BZW2: variants seen among roughly 807,000 people sequenced by gnomAD.
The protein encoded by BZW2 is eIF5-mimic protein 1.
BZW2 carries 23 observed loss-of-function variants against 53.2 expected under a neutral mutation model. That is an observed-to-expected ratio of 0.43 (90% CI 0.31 to 0.61). The LOEUF (loss-of-function observed/expected upper bound fraction) is 0.61, where lower values mean the gene tolerates loss of function less well. Among genes scored for constraint, BZW2 ranks in the 20% least tolerant of loss-of-function variants. The pLI is 0.09. For synonymous variants in BZW2, 227 were observed against 186.4 expected, an observed-to-expected ratio of 1.22 and a Z score of -1.77; for missense variants, 409 against 503.1, an observed-to-expected ratio of 0.81 and a Z score of 1.79.
intron 1 of BZW2, among the ~76,000 whole-genome samples, chr7:16,649,407 C>A (rs1405124720): frequency 2.0e-5 from 3 of 152,184 alleles, no homozygotes; most frequent in Non-Finnish European, 2.9e-5. Flanking sequence ...CAATCATAAC[C>A]AGAGGCAGAA....
intron 2 of BZW2, among the ~76,000 whole-genome samples, chr7:16,674,089 G>T (rs368736741): frequency 2.0e-5 from 3 of 152,004 alleles, no homozygotes; most frequent in African/African-American, 7.2e-5. Flanking sequence ...TAATAGAGAC[G>T]GAGTTTCATT....
At chr7:16,697,153 G>A (rs1012904221) in intron 9 of BZW2, 92 bp downstream of exon 9, 19 of 1,418,228 alleles carry the variant, frequency 1.3e-5, no homozygotes, top group East Asian at 1.2e-4. Context: ...GCAGTGGCAC[G>A]ATCTGCGCTC....
At chr7:16,688,499 G>A (rs1017725308) in intron 6 of BZW2, 1 of 152,208 alleles carries the variant, frequency 6.6e-6, no homozygotes, top group Non-Finnish European at 1.5e-5. Context: ...CTTAAGCGAG[G>A]TCACTAAATT....
intron 2 of BZW2, among the ~76,000 whole-genome samples, chr7:16,674,192 G>A (rs1029768058): frequency 2.0e-5 from 3 of 152,150 alleles, no homozygotes; most frequent in East Asian, 3.9e-4. Context: ...GAGCCACCGC[G>A]CCCGGCCTAC....
At chr7:16,681,197 A>G (rs1782934075) in intron 3 of BZW2, 104 bp from the exon 4 acceptor site, 2 of 878,630 alleles carry the variant, frequency 2.3e-6, no homozygotes, top group Non-Finnish European at 3.5e-6. Context: ...TAGATTTTAC[A>G]TCTACTTTGA....
chr7:16,675,719 A>G (rs1346244633), intron 3 of BZW2, among the ~76,000 whole-genome samples: 1 of 152,200 alleles, frequency 6.6e-6, no homozygotes, highest in African/African-American at 2.4e-5. Context: ...ACAGCTATCT[A>G]TATTGAGCTC....
At chr7:16,691,969 C>G (rs2128366490) in intron 7 of BZW2, among the ~76,000 whole-genome samples, 1 of 152,158 alleles carries the variant, frequency 6.6e-6, no homozygotes, top group East Asian at 1.9e-4. Flanking sequence ...AACATATAAA[C>G]TGGGTGAGAA....
chr7:16,683,700 C>G (rs912200409), intron 5 of BZW2, among the ~76,000 whole-genome samples: 1 of 152,222 alleles, frequency 6.6e-6, no homozygotes, highest in Non-Finnish European at 1.5e-5. Flanking sequence ...ATTTGTAACT[C>G]CTGTATTTAT....
intron 3 of BZW2, among the ~76,000 whole-genome samples, chr7:16,678,586 C>A (rs1170985438): frequency 6.6e-6 from 1 of 152,066 alleles, no homozygotes; most frequent in Non-Finnish European, 1.5e-5. Context: ...AAAAAACATA[C>A]CTCTCAAAAG....
At chr7:16,664,040 C>G (rs1782345020) in intron 1 of BZW2, among the ~76,000 whole-genome samples, 1 of 152,208 alleles carries the variant, frequency 6.6e-6, no homozygotes, top group African/African-American at 2.4e-5. Flanking sequence ...ACCATATATT[C>G]TATACACCCT....
rs138943234 is a variant in BZW2 at position 16,704,950 on chromosome 7, T to C, written c.1231+281T>C. On this transcript the variant is annotated intron_variant, in intron 11 of 11. Transcript: ENST00000258761. ...ATTAGTAGATGTGAAAGGAGAAAAA[T>C]ACATTTAGCTTAATCACGCATTATG... is the stretch of plus-strand genomic sequence containing the variant. Among the ~76,000 whole-genome samples the C allele has an allele frequency of 1.2e-3, 182 of 152,304 alleles. No homozygotes were observed. In the South Asian group the frequency reaches 0.018, roughly 15 times the overall value.
chr7:16,668,379 G>A (rs1220941598), intron 2 of BZW2, among the ~76,000 whole-genome samples: 1 of 152,144 alleles, frequency 6.6e-6, no homozygotes, highest in Non-Finnish European at 1.5e-5. Context: ...CTCAGGGAGA[G>A]CCACTGAGAA....
At chr7:16,684,438 A>G (rs957670561) in intron 5 of BZW2, among the ~76,000 whole-genome samples, 5 of 152,340 alleles carry the variant, frequency 3.3e-5, no homozygotes, top group African/African-American at 1.2e-4. Flanking sequence ...TTTAATGTTG[A>G]TTAATATAAT....
At chr7:16,684,045 A>G (rs1159155243) in intron 5 of BZW2, among the ~76,000 whole-genome samples, 1 of 152,260 alleles carries the variant, frequency 6.6e-6, no homozygotes, top group Non-Finnish European at 1.5e-5. Context: ...AGATGTCACC[A>G]CAGTATTGAA....
At chr7:16,704,434 A>G in intron 10 of BZW2, 113 bp from the exon 11 acceptor site, 4 of 1,149,448 alleles carry the variant, frequency 3.5e-6, no homozygotes, top group Non-Finnish European at 4.7e-6. Context: ...CTGATAAGTA[A>G]CAGAATGCTT....
intron 3 of BZW2, among the ~76,000 whole-genome samples, chr7:16,679,043 T>C (rs985600342): frequency 1.5e-4 from 23 of 152,124 alleles, no homozygotes; most frequent in African/African-American, 5.3e-4. Flanking sequence ...CACACTGTCA[T>C]TGATAAATAT....
At chr7:16,659,007 A>T (rs569825415) in intron 1 of BZW2, among the ~76,000 whole-genome samples, 1 of 151,966 alleles carries the variant, frequency 6.6e-6, no homozygotes, top group African/African-American at 2.4e-5. Context: ...CAGGTGAGGA[A>T]TCCCAGCAAT....
intron 8 of BZW2, 38 bp from the exon 9 acceptor site, chr7:16,696,877 T>C (rs1440183173): frequency 6.2e-7 from 1 of 1,611,010 alleles, no homozygotes; most frequent in African/African-American, 1.3e-5. Flanking sequence ...GCCCTCCATC[T>C]GCCTGTTACT....
At chr7:16,674,678 T>G in intron 3 of BZW2, 90 bp downstream of exon 3, 1 of 1,133,480 alleles carries the variant, frequency 8.8e-7, no homozygotes, top group Non-Finnish European at 1.2e-6. Context: ...CTTTATAAGT[T>G]TATGTTTATT....
Sources: allele counts gnomAD v4.1 joint callset (sites outside exome capture counted in the v4.1 genomes callset), GRCh38; gene constraint gnomAD v4.1.1; transcripts MANE v1.5; gene names NCBI Gene and HGNC (gene_info 2026-07-23, HGNC 2026-07-21).